POTEJ: variants seen among roughly 807,000 people sequenced by gnomAD.
POTEJ encodes POTE ankyrin domain family, member J.
Under a neutral mutation model 69.0 loss-of-function variants are expected in POTEJ, and 11 were observed. That is an observed-to-expected ratio of 0.16 (90% CI 0.10 to 0.26). The LOEUF (loss-of-function observed/expected upper bound fraction) is 0.26. Ranked by LOEUF, POTEJ falls within the 10% of genes least tolerant of loss-of-function variation. The pLI, the probability that POTEJ is intolerant of heterozygous loss-of-function variation, is 1.00. For synonymous variants in POTEJ, 117 were observed against 381.1 expected (o/e 0.31, Z 8.07); for missense variants, 327 against 1,045.5 (o/e 0.31, Z 9.48).
intron 6 of POTEJ, among the ~76,000 whole-genome samples, chr2:130,629,073 A>T (rs1685812714): frequency 1.3e-5 from 2 of 152,202 alleles, no homozygotes; most frequent in Non-Finnish European, 1.5e-5. Context: ...GTGGAGGGAA[A>T]CATTTTAGAT....
At chr2:130,641,970 A>G (rs1243453668) in intron 10 of POTEJ, among the ~76,000 whole-genome samples, 1 of 152,072 alleles carries the variant, frequency 6.6e-6, no homozygotes, top group Non-Finnish European at 1.5e-5. Context: ...CTCTTAGGGA[A>G]TGATACTCTC....
rs533667334 is a variant in POTEJ, at chr2:130,642,220, T to C, written c.1370-1763T>C. Among the ~76,000 whole-genome samples, 64 of 135,708 alleles carry C rather than the reference T, an allele frequency of 4.7e-4. No individual in the cohort carries two copies. The South Asian group carries it at 0.015, about 31-fold the overall frequency. 89.0% of individuals were successfully genotyped at this position (135,708 alleles called of 152,430 possible). On this transcript the variant is annotated intron_variant, in intron 10 of 14. Transcript: ENST00000409602. ...AGAAAGAGTGTTTTTTTGTATGGGA[T>C]AGTATTTAACGTAAACTTGAGAGTG...
chr2:130,614,639 A>T lies in POTEJ; in HGVS notation c.411-2151A>T, dbSNP rs1314016537. Reference sequence around the variant, plus strand: ...AATATGATCAAACTTGTTTCTGGGGATTTGTAAGTGAAGTTTTTCCCTTTC... The same window carrying T: ...AATATGATCAAACTTGTTTCTGGGGTTTTGTAAGTGAAGTTTTTCCCTTTC... On this transcript the variant is annotated intron_variant, in intron 1 of 14. Coordinates refer to ENST00000409602, the MANE Select transcript of POTEJ (RefSeq NM_001277083.2). Among the ~76,000 whole-genome samples the T allele has an allele frequency of 2.9e-5, 4 of 139,264 alleles. 1 individual carries two copies. The highest frequency in any genetic ancestry group is 1.4e-4 in the Admixed American group (2 of 14,340). The allele number at this position is 139,264 out of a possible 152,430, so 91.4% of individuals were successfully genotyped here. A position where few individuals can be genotyped will look rare whatever the true frequency, so the allele number is the denominator to read the frequency against.
chr2:130,637,187 A>G (rs1686126488), intron 9 of POTEJ, among the ~76,000 whole-genome samples: 2 of 149,380 alleles, frequency 1.3e-5, no homozygotes, highest in Admixed American at 6.7e-5. Context: ...TACATTGTTT[A>G]TATTAATTTT....
chr2:130,637,263 T>C (rs1239089936), intron 9 of POTEJ, among the ~76,000 whole-genome samples: 4 of 150,834 alleles, frequency 2.7e-5, no homozygotes, highest in South Asian at 2.1e-4. Flanking sequence ...GTAATCATAA[T>C]TGTAATTATG....
intron 14 of POTEJ, among the ~76,000 whole-genome samples, chr2:130,655,268 G>A (rs1686943826): frequency 1.3e-5 from 2 of 152,218 alleles, no homozygotes; most frequent in Non-Finnish European, 1.5e-5. Flanking sequence ...TCAATCCAAA[G>A]GAGAAGTATT....
intron 10 of POTEJ, among the ~76,000 whole-genome samples, chr2:130,641,742 T>C (rs539273129): frequency 6.6e-6 from 1 of 152,142 alleles, no homozygotes; most frequent in East Asian, 1.9e-4. Context: ...GGAATATTCG[T>C]GTAGGATATT....
At chr2:130,652,068 T>A (rs1197552798) in intron 13 of POTEJ, among the ~76,000 whole-genome samples, 1 of 138,538 alleles carries the variant, frequency 7.2e-6, no homozygotes. Flanking sequence ...GGGAGGTGAT[T>A]GGCTCATGGG....
At chr2:130,612,537 G>A (rs1201609594) in intron 1 of POTEJ, among the ~76,000 whole-genome samples, 1 of 152,290 alleles carries the variant, frequency 6.6e-6, no homozygotes, top group Non-Finnish European at 1.5e-5. Context: ...GAGGCGGGCG[G>A]ATCACGAGGT....
In POTEJ at chr2:130,622,584, A is replaced by C. The variant is rs1207716473; in HGVS notation, c.944+981A>C. Among the ~76,000 whole-genome samples, 5 of 137,582 alleles carry C rather than the reference A, an allele frequency of 3.6e-5. 1 individual carries two copies. The highest frequency in any genetic ancestry group is 1.5e-4 in the African/African-American group (5 of 34,150). The allele number at this position is 137,582 out of a possible 152,430, so 90.3% of individuals were successfully genotyped here. On this transcript the variant is annotated intron_variant, in intron 5 of 14. Coordinates refer to ENST00000409602, the MANE Select transcript of POTEJ (RefSeq NM_001277083.2). Reference sequence around the variant, plus strand: ...TCCTGTATAGAACCTTGGGCAGTAGAAAGTCCCATATGAACCTTCCCCTGA... The same window carrying C: ...TCCTGTATAGAACCTTGGGCAGTAGCAAGTCCCATATGAACCTTCCCCTGA...
At chr2:130,625,471 A>G (rs1237827923) in intron 6 of POTEJ, among the ~76,000 whole-genome samples, 1 of 151,942 alleles carries the variant, frequency 6.6e-6, no homozygotes, top group African/African-American at 2.4e-5. Context: ...ATGATTTATT[A>G]TATATTGATT....
rs563292377 is a variant in POTEJ at position 130,648,163 on chromosome 2, T to C, written c.1667+1853T>C. ...ATTTCTTGGTCTTTATGTATAAGCA[T>C]GAACAAAATGATAATCAGCTTATGT... is the stretch of plus-strand genomic sequence containing the variant. On this transcript the variant is annotated intron_variant, in intron 13 of 14. Coordinates refer to ENST00000409602, the MANE Select transcript of POTEJ (RefSeq NM_001277083.2). Among the ~76,000 whole-genome samples the C allele has an allele frequency of 3.4e-5, 5 of 146,594 alleles. No homozygotes were observed. The South Asian group carries it at 6.3e-4, about 19-fold the overall frequency.
At chr2:130,625,125 G>T (rs1178110096) in intron 6 of POTEJ, among the ~76,000 whole-genome samples, 1 of 152,176 alleles carries the variant, frequency 6.6e-6, no homozygotes, top group Admixed American at 6.5e-5. Context: ...ATTTATCAAA[G>T]AGCTTTTGTA....
chr2:130,637,989 T>C (rs1686173056), intron 9 of POTEJ, among the ~76,000 whole-genome samples: 1 of 147,748 alleles, frequency 6.8e-6, no homozygotes, highest in Non-Finnish European at 1.5e-5. Flanking sequence ...TATGACATAG[T>C]TGAGATGCCC....
At chr2:130,648,138 A>G (rs2105254962) in intron 13 of POTEJ, among the ~76,000 whole-genome samples, 1 of 147,318 alleles carries the variant, frequency 6.8e-6, no homozygotes, top group East Asian at 1.9e-4. Context: ...GAGTTTTAGT[A>G]TTTCTTGGTC....
rs1273753556 is a variant in POTEJ, at chr2:130,624,696, C to T, written c.1015+562C>T. Among the ~76,000 whole-genome samples the T allele has an allele frequency of 1.6e-4, 25 of 151,846 alleles. No homozygotes were observed. In the East Asian group the frequency reaches 1.9e-3, roughly 12 times the overall value. Reference sequence around the variant, plus strand: ...CTGGGAGTTGAGGACCCCTGCTCTGCGTGGTCCTACCATAGATAAAAAAGT... The same window carrying T: ...CTGGGAGTTGAGGACCCCTGCTCTGTGTGGTCCTACCATAGATAAAAAAGT... On this transcript the variant is annotated intron_variant, in intron 6 of 14. Transcript: ENST00000409602.
intron 6 of POTEJ, among the ~76,000 whole-genome samples, chr2:130,629,557 A>AG (rs1685832500): frequency 1.3e-5 from 2 of 149,212 alleles, no homozygotes; most frequent in Admixed American, 1.3e-4. Flanking sequence ...CCTGCTTGTT[A>AG]CTATCCTTAG....
intron 9 of POTEJ, among the ~76,000 whole-genome samples, chr2:130,637,356 G>T (rs1247417683): frequency 1.3e-5 from 2 of 150,658 alleles, no homozygotes; most frequent in African/African-American, 4.9e-5. Flanking sequence ...TCGCTGTATC[G>T]CCCAGGCTGG....
intron 9 of POTEJ, among the ~76,000 whole-genome samples, chr2:130,634,137 C>T (rs1202140355): frequency 2.6e-5 from 4 of 152,224 alleles, no homozygotes; most frequent in Admixed American, 6.5e-5. Flanking sequence ...ACTTGACTTA[C>T]AAAAACAGGC....
Sources: allele counts gnomAD v4.1 joint callset (sites outside exome capture counted in the v4.1 genomes callset), GRCh38; gene constraint gnomAD v4.1.1; transcripts MANE v1.5; gene names NCBI Gene and HGNC (gene_info 2026-07-23, HGNC 2026-07-21).